Variants in HMX1 observed in about 807,000 individuals in gnomAD.
The protein encoded by HMX1 is homeobox protein HMX1.
A neutral mutation model predicts 8.9 loss-of-function variants in HMX1; 8 were observed. That is an observed-to-expected ratio of 0.90 (90% CI 0.53 to 1.63). The LOEUF (loss-of-function observed/expected upper bound fraction) is 1.63, where lower values mean the gene tolerates loss of function less well. Ranked by LOEUF, HMX1 falls within the 40% of genes most tolerant of loss-of-function variation. HMX1 has a pLI of 0.00. For synonymous variants in HMX1, 311 were observed against 283.4 expected (o/e 1.10, Z -0.98); for missense variants, 621 against 558.5 (o/e 1.11, Z -1.13).
At chr4:8,864,364 G>A (rs939405247), downstream of HMX1, among the ~76,000 whole-genome samples, 4 of 152,200 alleles carry the variant, frequency 2.6e-5, no homozygotes, top group African/African-American at 9.7e-5. Context: ...GCAACTGGAA[G>A]CCCTGAGCAG....
At chr4:8,860,175 A>G (rs1197797250) in intron 1 of HMX1, among the ~76,000 whole-genome samples, 1 of 152,192 alleles carries the variant, frequency 6.6e-6, no homozygotes, top group African/African-American at 2.4e-5. Flanking sequence ...CTGGTGCCCC[A>G]GTGAGAGCAT....
intron 1 of HMX1, among the ~76,000 whole-genome samples, chr4:8,851,772 G>GGAC (rs1459198064): frequency 6.6e-6 from 1 of 152,238 alleles, no homozygotes; most frequent in African/African-American, 2.4e-5. Flanking sequence ...CCAAGTCCAA[G>GGAC]GACTCTTCCT....
At position 8,871,087 on chromosome 4, in the gene HMX1, G is replaced by A. The variant is rs893562150; in HGVS notation, c.394+134C>T. The A allele has an allele frequency of 1.7e-4, 171 of 1,022,478 alleles. 1 individual carries two copies. The highest frequency in any genetic ancestry group is 3.9e-4 in the Middle Eastern group (1 of 2,550). 63.3% of individuals were successfully genotyped at this position (1,022,478 alleles called of 1,614,324 possible). On this transcript the variant is annotated intron_variant, in intron 1 of 1. Transcript: ENST00000400677. This position sits in a 1 kb window ranked among gnomAD's most constrained non-coding sequence, Gnocchi z 4.8. ...CCAGGGGCTCCTGGGGGCCCCACAA[G>A]GCCCAGACGCCGTTCCACAGAAGGG... is the stretch of plus-strand genomic sequence containing the variant.
downstream of HMX1, among the ~76,000 whole-genome samples, chr4:8,864,096 G>A (rs1721916675): frequency 6.6e-6 from 1 of 152,230 alleles, no homozygotes; most frequent in African/African-American, 2.4e-5. Context: ...CAGAGGAGGT[G>A]GGTCACCCAC....
At chr4:8,857,427 C>T (rs1410290821) in intron 1 of HMX1, among the ~76,000 whole-genome samples, 1 of 152,184 alleles carries the variant, frequency 6.6e-6, no homozygotes, top group Non-Finnish European at 1.5e-5. Flanking sequence ...CCGCTTTCTC[C>T]TTCCTCCTTC....
intron 1 of HMX1, among the ~76,000 whole-genome samples, chr4:8,856,688 G>A (rs1053835836): frequency 6.6e-6 from 1 of 152,202 alleles, no homozygotes; most frequent in Non-Finnish European, 1.5e-5. Context: ...TTTGAAGAAG[G>A]AGGGGAGGGA....
chr4:8,868,042 C>T lies in HMX1; in HGVS notation c.698G>A (p.Arg233His). 2 of 1,533,946 alleles carry T rather than the reference C, an allele frequency of 1.3e-6. No individual in the cohort carries two copies. The highest frequency in any genetic ancestry group is 1.8e-6 in the Non-Finnish European group (2 of 1,142,154). ...CTGCAGGGAGGCGGCCAGGCCGGCGCGCTCGGCGCTGCTCAGGTAGCGCTT... is the reference window on the plus strand; with the variant it reads ...CTGCAGGGAGGCGGCCAGGCCGGCGTGCTCGGCGCTGCTCAGGTAGCGCTT... The part of the protein sequence containing the change: ...DLKRYLSSAE[R>H]AGLAASLQLT... Residue 233 changes from arginine to histidine, a missense_variant, in exon 2 of 2, where the codon CGC becomes CAC. Coordinates refer to ENST00000400677, the MANE Select transcript of HMX1 (RefSeq NM_018942.3). The surrounding 1 kb of genome is among the most constrained non-coding windows in gnomAD (Gnocchi z 4.6).
At chr4:8,866,554 C>T (rs574512916), downstream of HMX1, among the ~76,000 whole-genome samples, 1 of 152,370 alleles carries the variant, frequency 6.6e-6, no homozygotes, top group Admixed American at 6.5e-5. Context: ...TTGTCCACCA[C>T]CTGAGTCCTC....
chr4:8,858,634 C>T (rs1181326848), intron 1 of HMX1: 2 of 152,170 alleles, frequency 1.3e-5, no homozygotes, highest in Non-Finnish European at 2.9e-5. Flanking sequence ...CCCGGGCGGC[C>T]GGGGCCTCGC....
In HMX1 at chr4:8,868,045, T is replaced by A; in HGVS notation, c.695A>T (p.Glu232Val). 6.5e-7 allele frequency: 1 copy of A among 1,534,846 alleles called. No homozygotes were observed. Among genetic ancestry groups the A allele is most frequent in the Non-Finnish European group, 8.8e-7 (1 of 1,142,852 alleles). ...FDLKRYLSSA[E>V]RAGLAASLQL... Reference sequence around the variant, plus strand: ...CAGGGAGGCGGCCAGGCCGGCGCGCTCGGCGCTGCTCAGGTAGCGCTTCAG... The same window carrying A: ...CAGGGAGGCGGCCAGGCCGGCGCGCACGGCGCTGCTCAGGTAGCGCTTCAG... The change falls in exon 2 of 2, where the codon GAG (glutamate) becomes GTG (valine). Residue 232 changes from glutamate to valine, a missense_variant. Transcript: ENST00000400677. The surrounding 1 kb of genome is among the most constrained non-coding windows in gnomAD (Gnocchi z 4.6).
At position 8,871,069 on chromosome 4, in the gene HMX1, C is replaced by T. The variant is rs1722195944; in HGVS notation, c.394+152G>A. 8.8e-6 allele frequency among the ~76,000 whole-genome samples: 1 copy of T among 114,232 alleles called. No homozygotes were observed. The highest frequency in any genetic ancestry group is 8.0e-5 in the Admixed American group (1 of 12,484). The allele number at this position is 114,232 out of a possible 152,430, so 74.9% of individuals were successfully genotyped here. On this transcript the variant is annotated intron_variant, in intron 1 of 1. Coordinates refer to ENST00000400677, the MANE Select transcript of HMX1 (RefSeq NM_018942.3). The surrounding 1 kb of genome is among the most constrained non-coding windows in gnomAD (Gnocchi z 4.8). The stretch of plus-strand genomic sequence containing the variant: ...GCCTCCAAACCAGCCCAACCAGGGG[C>T]TCCTGGGGGCCCCACAAGGCCCAGA...
In HMX1 at chr4:8,870,947, T is replaced by C. The variant is rs1722191812; in HGVS notation, c.394+274A>G. ...TTTTCTTTGGCCTCCTGTTGTCCCC[T>C]GTCCCCAGCCTCCCTGGGACCGGAG... On this transcript the variant is annotated intron_variant, in intron 1 of 1. Coordinates refer to ENST00000400677, the MANE Select transcript of HMX1 (RefSeq NM_018942.3). The surrounding 1 kb of genome is among the most constrained non-coding windows in gnomAD (Gnocchi z 4.4). 6.6e-6 allele frequency among the ~76,000 whole-genome samples: 1 copy of C among 152,090 alleles called. No homozygotes were observed. Among genetic ancestry groups the C allele is most frequent in the Non-Finnish European group, 1.5e-5 (1 of 68,010 alleles).
At position 8,869,287 on chromosome 4, in the gene HMX1, C is replaced by T. The variant is rs149547706; in HGVS notation, c.395-942G>A. ...ATGATGTCAGGTTAAAGAGGCCAGC[C>T]GGGACCCAGAAGCACTTGCCCAGAT... On this transcript the variant is annotated intron_variant, in intron 1 of 1. Coordinates refer to ENST00000400677, the MANE Select transcript of HMX1 (RefSeq NM_018942.3). Among the ~76,000 whole-genome samples, 705 of 152,322 alleles carry T rather than the reference C, an allele frequency of 4.6e-3. 3 individuals are homozygous for T. Among genetic ancestry groups the T allele is most frequent in the African/African-American group, 0.016 (657 of 41,566 alleles).
In HMX1 at chr4:8,867,239, C is replaced by G. The variant is rs975071449; in HGVS notation, c.*454G>C. ...GGGTAGCACAGCCCTCCGGGCCGGC[C>G]TGCTGTCTGGGTCCCAGGAAAGGGA... On this transcript the variant is annotated 3_prime_UTR_variant, in exon 2 of 2. Transcript: ENST00000400677. The G allele has an allele frequency of 1.0e-6, 1 of 986,056 alleles. No homozygotes were observed. The highest frequency in any genetic ancestry group is 1.1e-4 in the East Asian group (1 of 8,830). 61.1% of individuals were successfully genotyped at this position (986,056 alleles called of 1,614,324 possible).
intron 1 of HMX1, chr4:8,859,193 C>CG (rs1721713898): frequency 6.6e-6 from 1 of 152,092 alleles, no homozygotes; most frequent in African/African-American, 2.4e-5. Context: ...AGGCTGGCCC[C>CG]CCCCCACGCC....
chr4:8,871,452 C>G lies in HMX1; in HGVS notation c.163G>C (p.Glu55Gln), dbSNP rs1475511152. Residue 55 changes from glutamate (E) to glutamine (Q), a missense_variant, in exon 1 of 2, where the codon GAG becomes CAG. By Grantham distance (29) the Glu-to-Gln change is conservative. Transcript: ENST00000400677. The surrounding 1 kb of genome is among the most constrained non-coding windows in gnomAD (Gnocchi z 4.8). ...CGCCGCCGCGCCTGCTCGGCGTCCT[C>G]GTCTTCGGGGTCGTCGTCGTCCTCC... ...EEEDDDDPED[E>Q]DAEQARRRRL... 2 of 1,339,818 alleles carry G rather than the reference C, an allele frequency of 1.5e-6. No homozygotes were observed. Among genetic ancestry groups the G allele is most frequent in the African/African-American group, 1.6e-5 (1 of 64,338 alleles). 83.0% of individuals were successfully genotyped at this position (1,339,818 alleles called of 1,614,324 possible). A position where few individuals can be genotyped will look rare whatever the true frequency, so the allele number is the denominator to read the frequency against.
rs780242026 is a variant in HMX1 at position 8,847,459 on chromosome 4, T to G, written c.395-1135A>C. Among the ~76,000 whole-genome samples, 1 of 152,142 alleles carries G rather than the reference T, an allele frequency of 6.6e-6. No individual in the cohort carries two copies. The highest frequency in any genetic ancestry group is 1.5e-5 in the Non-Finnish European group (1 of 68,024). ...GCAAAGAGCTATTTCTGTAACGGGA[T>G]GCCGCCAACAGACGGAAGCCACTGA... On this transcript the variant is annotated intron_variant, in intron 1 of 1. Coordinates refer to the HMX1 transcript ENST00000506970. The surrounding 1 kb of genome is among the most constrained non-coding windows in gnomAD (Gnocchi z 6.0).
In HMX1 at chr4:8,871,173, G is replaced by T; in HGVS notation, c.394+48C>A. ...AGTCCCCCAGCAAATGCGCAGGGAGGAAGTCGGGCCCCACCGCCTGACCCA... is the reference window on the plus strand; with the variant it reads ...AGTCCCCCAGCAAATGCGCAGGGAGTAAGTCGGGCCCCACCGCCTGACCCA... On this transcript the variant is annotated intron_variant, in intron 1 of 1. Coordinates refer to ENST00000400677, the MANE Select transcript of HMX1 (RefSeq NM_018942.3). This position sits in a 1 kb window ranked among gnomAD's most constrained non-coding sequence, Gnocchi z 4.8. 1 of 1,347,860 alleles carries T rather than the reference G, an allele frequency of 7.4e-7. No individual in the cohort carries two copies. The highest frequency in any genetic ancestry group is 1.6e-5 in the South Asian group (1 of 63,808). The allele number at this position is 1,347,860 out of a possible 1,614,324, so 83.5% of individuals were successfully genotyped here.
intron 1 of HMX1, among the ~76,000 whole-genome samples, chr4:8,860,056 A>C (rs1421739489): frequency 6.6e-6 from 1 of 152,200 alleles, no homozygotes; most frequent in Non-Finnish European, 1.5e-5. Context: ...TGACAGCGCG[A>C]ACTGCGTCAG....
Sources: gnomAD v4.1 joint callset for allele counts (sites outside exome capture counted in the v4.1 genomes callset) on GRCh38, gnomAD v4.1.1 for gene constraint, Gnocchi (gnomAD v3.1) non-coding constraint, MANE v1.5 for transcripts, NCBI Gene and HGNC (gene_info 2026-07-23, HGNC 2026-07-21) for gene names.